Variants in CHRNA5 observed in about 807,000 individuals in gnomAD.
The protein encoded by CHRNA5 is cholinergic receptor nicotinic alpha 5 subunit, also known as neuronal acetylcholine receptor subunit alpha-5.
In CHRNA5, 28 loss-of-function variants were observed where a neutral mutation model predicts 41.2. That is an observed-to-expected ratio of 0.68 (90% CI 0.50 to 0.93). The LOEUF (loss-of-function observed/expected upper bound fraction) is 0.93, where lower values mean the gene tolerates loss of function less well. Ranked by LOEUF, CHRNA5 falls within the 40% of genes least tolerant of loss-of-function variation. CHRNA5 has a pLI of 0.00. For missense variants in CHRNA5, 481 were observed against 581.9 expected (o/e 0.83, Z 1.78); for synonymous variants, 188 against 205.8 (o/e 0.91, Z 0.74).
exon 5 of CHRNA5, chr15:78,590,152 C>T: frequency 6.2e-7 from 1 of 1,614,132 alleles, no homozygotes; most frequent in Non-Finnish European, 8.5e-7. Flanking sequence ...CTCTTTTATA[C>T]CTTGTTCCTT....
intron 1 of CHRNA5, among the ~76,000 whole-genome samples, chr15:78,567,567 A>G (rs2052761597): frequency 6.6e-6 from 1 of 152,194 alleles, no homozygotes; most frequent in African/African-American, 2.4e-5. Flanking sequence ...TCTCTCTCAT[A>G]ATAACCATCT....
exon 6 of CHRNA5, chr15:78,593,609 C>CT (rs969050221): frequency 6.1e-6 from 1 of 162,920 alleles, no homozygotes; most frequent in African/African-American, 2.4e-5. Flanking sequence ...GATTTTAAAA[C>CT]TTTTCTGCAT....
intron 1 of CHRNA5, among the ~76,000 whole-genome samples, chr15:78,573,718 A>G (rs1268242267): frequency 3.9e-5 from 6 of 152,050 alleles, no homozygotes; most frequent in Non-Finnish European, 7.4e-5. Context: ...TTTCCAAATC[A>G]TTACCTTTTG....
Position 78,589,970 on chromosome 15 carries a change from T to G in CHRNA5, c.579T>G (p.Tyr193Ter). Residue 193 changes from tyrosine (Y) to a stop codon, truncating the protein, a stop_gained, in exon 5 of 6, where the codon TAT becomes TAG. Coordinates refer to ENST00000299565, the Ensembl canonical transcript of CHRNA5. LOFTEE classifies it high-confidence loss of function. Reference sequence around the variant, plus strand: ...CCATGAAATTTGGTTCTTGGACTTATGATGGATCACAGGTTGATATAATTC... The same window carrying G: ...CCATGAAATTTGGTTCTTGGACTTAGGATGGATCACAGGTTGATATAATTC... The G allele has an allele frequency of 6.2e-7, 1 of 1,614,202 alleles. No homozygotes were observed. Among genetic ancestry groups the G allele is most frequent in the Non-Finnish European group, 8.5e-7 (1 of 1,180,022 alleles).
At chr15:78,581,455 T>C (rs1222931396) in intron 2 of CHRNA5, among the ~76,000 whole-genome samples, 2 of 152,232 alleles carry the variant, frequency 1.3e-5, no homozygotes, top group Admixed American at 1.3e-4. Flanking sequence ...ATTGTACTTA[T>C]TGTCAAGAGA....
intron 5 of CHRNA5, among the ~76,000 whole-genome samples, chr15:78,591,643 A>G (rs1033747672): frequency 6.6e-6 from 1 of 152,148 alleles, no homozygotes; most frequent in Non-Finnish European, 1.5e-5. Flanking sequence ...TTTGATGTAT[A>G]TATTTTTAAA....
intron 2 of CHRNA5, among the ~76,000 whole-genome samples, chr15:78,582,210 G>C (rs985598388): frequency 6.6e-6 from 1 of 152,180 alleles, no homozygotes; most frequent in African/African-American, 2.4e-5. Flanking sequence ...TGGTAGCCAG[G>C]TGTGGTGGTT....
exon 5 of CHRNA5, chr15:78,589,879 C>A (rs55863434): frequency 6.2e-7 from 1 of 1,613,896 alleles, no homozygotes; most frequent in African/African-American, 1.3e-5. Context: ...TGGACTCCAC[C>A]GGCAAACTAC....
chr15:78,592,111 C>T (rs1372036195), intron 5 of CHRNA5, among the ~76,000 whole-genome samples: 1 of 152,078 alleles, frequency 6.6e-6, no homozygotes, highest in Admixed American at 6.6e-5. Flanking sequence ...ATCACGAGGT[C>T]AGGAGTTTGA....
chr15:78,565,793 G>A, exon 1 of CHRNA5: 1 of 1,223,138 alleles, frequency 8.2e-7, no homozygotes, highest in Non-Finnish European at 1.0e-6. Flanking sequence ...GGGCGCTGCG[G>A]TCTAGCGGGC....
intron 3 of CHRNA5, 146 bp downstream of exon 3, chr15:78,586,835 C>A: frequency 3.0e-6 from 2 of 667,536 alleles, no homozygotes; most frequent in Non-Finnish European, 2.7e-6. Flanking sequence ...ATTGGCAGGA[C>A]ACAGAAAGAT....
chr15:78,592,182 C>T (rs957807078), intron 5 of CHRNA5, among the ~76,000 whole-genome samples: 12 of 152,220 alleles, frequency 7.9e-5, no homozygotes, highest in South Asian at 2.1e-4. Flanking sequence ...ATTAGCTGGG[C>T]ATGGTGGTGT....
chr15:78,593,234 T>C (rs746129356), exon 6 of CHRNA5: 15 of 1,610,634 alleles, frequency 9.3e-6, no homozygotes, highest in East Asian at 4.5e-5. Context: ...CCAGTTCATA[T>C]TGGAAATGCA....
In CHRNA5 at chr15:78,592,512, C is replaced by T. The variant is rs147462143; in HGVS notation, c.1246-580C>T. On this transcript the variant is annotated intron_variant, in intron 5 of 5. Coordinates refer to ENST00000299565, the Ensembl canonical transcript of CHRNA5. The stretch of plus-strand genomic sequence containing the variant: ...CTGCTTAGTGGCTGGGCTCATCCTT[C>T]TTTTTCCTTGTGGTGGCTCCGAGCT... 4.6e-5 allele frequency among the ~76,000 whole-genome samples: 7 copies of T among 152,258 alleles called. No individual in the cohort carries two copies. The East Asian group carries it at 1.4e-3, about 29-fold the overall frequency.
chr15:78,573,950 C>A (rs2052830827), intron 1 of CHRNA5, among the ~76,000 whole-genome samples: 1 of 149,112 alleles, frequency 6.7e-6, no homozygotes, highest in African/African-American at 2.5e-5. Context: ...GCGTGCACCA[C>A]CACGCCTGGC....
exon 2 of CHRNA5, chr15:78,580,961 T>G (rs1344573389): frequency 6.2e-7 from 1 of 1,612,110 alleles, no homozygotes; most frequent in South Asian, 1.1e-5. Flanking sequence ...TTGGTGGATG[T>G]GGTAGGTGTG....
chr15:78,574,728 C>G (rs2052841559), intron 1 of CHRNA5, among the ~76,000 whole-genome samples: 1 of 151,826 alleles, frequency 6.6e-6, no homozygotes, highest in African/African-American at 2.4e-5. Flanking sequence ...ACCTGTAATC[C>G]CAGCACTTTG....
chr15:78,585,893 T>C (rs1347533378), intron 2 of CHRNA5, among the ~76,000 whole-genome samples: 2 of 150,538 alleles, frequency 1.3e-5, no homozygotes, highest in Admixed American at 1.3e-4. Context: ...CAAGCAATTC[T>C]TGTGCCTCCG....
At chr15:78,581,457 G>A (rs1265236860) in intron 2 of CHRNA5, among the ~76,000 whole-genome samples, 1 of 152,126 alleles carries the variant, frequency 6.6e-6, no homozygotes, top group African/African-American at 2.4e-5. Flanking sequence ...TGTACTTATT[G>A]TCAAGAGATC....
Sources: gnomAD v4.1 joint callset for allele counts (sites outside exome capture counted in the v4.1 genomes callset) on GRCh38, gnomAD v4.1.1 for gene constraint, MANE v1.5 for transcripts, NCBI Gene and HGNC (gene_info 2026-07-23, HGNC 2026-07-21) for gene names.